FRMD4A: variants seen among roughly 807,000 people sequenced by gnomAD.
The protein encoded by FRMD4A is FERM domain-containing protein 4A.
A neutral mutation model predicts 129.1 loss-of-function variants in FRMD4A; 29 were observed. That is an observed-to-expected ratio of 0.22 (90% CI 0.17 to 0.31). FRMD4A has a LOEUF of 0.31. FRMD4A is among the 10% of genes least tolerant of loss of function. The pLI is 1.00. For synonymous variants in FRMD4A, 634 were observed against 571.6 expected (o/e 1.11, Z -1.56); for missense variants, 1,272 against 1,375.8 (o/e 0.92, Z 1.19).
intron 2 of FRMD4A, among the ~76,000 whole-genome samples, chr10:14,200,976 A>G (rs1842620223): frequency 6.6e-6 from 1 of 152,224 alleles, no homozygotes; most frequent in South Asian, 2.1e-4. Flanking sequence ...TGCCAGCTGC[A>G]GGAACAGCTG....
At chr10:13,727,614 C>A (rs990397279) in intron 12 of FRMD4A, among the ~76,000 whole-genome samples, 2 of 152,224 alleles carry the variant, frequency 1.3e-5, no homozygotes, top group South Asian at 2.1e-4. Context: ...CAGGGCACAC[C>A]CCAGTAAACT....
intron 2 of FRMD4A, among the ~76,000 whole-genome samples, chr10:14,062,543 C>T (rs143575470): frequency 1.3e-5 from 2 of 152,326 alleles, no homozygotes; most frequent in East Asian, 3.9e-4. Context: ...ACAAATAAGG[C>T]GTTGTAACCA....
In FRMD4A at chr10:14,215,583, A is replaced by G. The variant is rs565450986; in HGVS notation, c.45+114475T>C. ...AAAAGAACATTAAGGAAGTGGGGGG[A>G]AAAGCAAATTTAATAAAATTGTGTG... On this transcript the variant is annotated intron_variant, in intron 2 of 24. Transcript: ENST00000357447. Among the ~76,000 whole-genome samples the G allele has an allele frequency of 3.8e-4, 58 of 152,204 alleles. No homozygotes were observed. In the South Asian group the frequency reaches 5.6e-3, roughly 15 times the overall value.
At chr10:13,660,593 T>C (rs754000723) in intron 19 of FRMD4A, 40 bp from the exon 20 acceptor site, 1 of 1,298,406 alleles carries the variant, frequency 7.7e-7, no homozygotes, top group Non-Finnish European at 1.1e-6. Flanking sequence ...GCCCCGGTCA[T>C]CCTTCCCACA....
intron 2 of FRMD4A, among the ~76,000 whole-genome samples, chr10:14,318,702 A>G (rs1465520072): frequency 1.3e-5 from 2 of 152,190 alleles, no homozygotes; most frequent in South Asian, 2.1e-4. Flanking sequence ...GTAAAGTCCC[A>G]TAGACAGTTT....
intron 2 of FRMD4A, among the ~76,000 whole-genome samples, chr10:14,297,830 G>A (rs1462635069): frequency 6.6e-6 from 1 of 152,214 alleles, no homozygotes; most frequent in Non-Finnish European, 1.5e-5. Context: ...TATGGTGACT[G>A]GAGACTATAT....
chr10:14,246,377 A>G (rs976956951), intron 2 of FRMD4A, among the ~76,000 whole-genome samples: 1 of 5,492 alleles, frequency 1.8e-4, no homozygotes, highest in Non-Finnish European at 5.5e-4. Flanking sequence ...ATAAGAAAAC[A>G]CACATACACA....
intron 2 of FRMD4A, among the ~76,000 whole-genome samples, chr10:14,324,691 T>C (rs1031466203): frequency 7.1e-6 from 1 of 140,648 alleles, no homozygotes; most frequent in African/African-American, 2.5e-5. Context: ...AGTCCCGCTC[T>C]GTCACCCAAG....
chr10:13,684,258 A>T, intron 15 of FRMD4A: 1 of 920,728 alleles, frequency 1.1e-6, no homozygotes, highest in Non-Finnish European at 1.3e-6. Flanking sequence ...CGAGGAAGAC[A>T]AAAAGGGCTG....
intron 3 of FRMD4A, among the ~76,000 whole-genome samples, chr10:13,812,374 G>A (rs1447100697): frequency 6.6e-6 from 1 of 152,208 alleles, no homozygotes; most frequent in Non-Finnish European, 1.5e-5. Context: ...AGACACCAGA[G>A]AGCCTGCTTC....
intron 2 of FRMD4A, among the ~76,000 whole-genome samples, chr10:14,180,519 C>T (rs965095930): frequency 2.6e-5 from 4 of 152,186 alleles, no homozygotes; most frequent in Admixed American, 6.5e-5. Context: ...TACAGACTTA[C>T]GAGCAAGCCA....
At chr10:14,003,333 G>T (rs1363955120) in intron 2 of FRMD4A, among the ~76,000 whole-genome samples, 1 of 152,180 alleles carries the variant, frequency 6.6e-6, no homozygotes, top group Non-Finnish European at 1.5e-5. Flanking sequence ...GGTGTTGGAG[G>T]AGAAGCAGGA....
chr10:14,258,822 A>G (rs138405026), intron 2 of FRMD4A, among the ~76,000 whole-genome samples: 35 of 152,376 alleles, frequency 2.3e-4, no homozygotes, highest in African/African-American at 8.2e-4. Flanking sequence ...AATACTACTT[A>G]GCCATAAAAA....
rs1846598835 is a variant in FRMD4A, at chr10:14,312,782, C to A, written c.45+17276G>T. Among the ~76,000 whole-genome samples, 2 of 152,146 alleles carry A rather than the reference C, an allele frequency of 1.3e-5. 1 individual carries two copies. Among genetic ancestry groups the A allele is most frequent in the South Asian group, 4.1e-4 (2 of 4,830 alleles). ...TCAGGAGGCTGAGGTGGAAGGATCA[C>A]CTGAGCCTGAGAGATGGAGGCTGCA... On this transcript the variant is annotated intron_variant, in intron 2 of 24. Transcript: ENST00000357447.
Position 13,656,621 on chromosome 10 carries a change from G to T in FRMD4A, c.2953+15C>A. On this transcript the variant is annotated intron_variant, in intron 22 of 24. Coordinates refer to ENST00000357447, the MANE Select transcript of FRMD4A (RefSeq NM_018027.5). Reference sequence around the variant, plus strand: ...CCTCAGGTCTTCCCGCGTGCACCTGGCCGCCCCCTCTCACCTGACGTGGCC... The same window carrying T: ...CCTCAGGTCTTCCCGCGTGCACCTGTCCGCCCCCTCTCACCTGACGTGGCC... 1 of 1,390,840 alleles carries T rather than the reference G, an allele frequency of 7.2e-7. No individual in the cohort carries two copies. 86.2% of individuals were successfully genotyped at this position (1,390,840 alleles called of 1,614,324 possible).
chr10:13,891,817 C>T (rs1223918248), intron 2 of FRMD4A: 3 of 860,204 alleles, frequency 3.5e-6, no homozygotes, highest in Admixed American at 6.4e-5. Flanking sequence ...GCCCATAGCC[C>T]GCTCGCGCCT....
intron 15 of FRMD4A, among the ~76,000 whole-genome samples, chr10:13,691,344 C>G (rs2134817466): frequency 6.6e-6 from 1 of 152,300 alleles, no homozygotes; most frequent in East Asian, 1.9e-4. Context: ...TTTGGGGCTC[C>G]TGTTCACAGC....
intron 12 of FRMD4A, among the ~76,000 whole-genome samples, chr10:13,736,019 G>A (rs1243418511): frequency 1.3e-5 from 2 of 152,164 alleles, no homozygotes; most frequent in Non-Finnish European, 2.9e-5. Flanking sequence ...CAGGCGTGGT[G>A]GCAGGCGCCT....
At chr10:13,795,141 C>A (rs953562695) in intron 5 of FRMD4A, among the ~76,000 whole-genome samples, 15 of 152,192 alleles carry the variant, frequency 9.9e-5, no homozygotes, top group Admixed American at 7.9e-4. Context: ...TGCACTCATC[C>A]ACCTGCGATG....
Sources: gnomAD v4.1 joint callset for allele counts (sites outside exome capture counted in the v4.1 genomes callset) on GRCh38, gnomAD v4.1.1 for gene constraint, MANE v1.5 for transcripts, NCBI Gene and HGNC (gene_info 2026-07-23, HGNC 2026-07-21) for gene names.